The following RGS6 variants were observed in gnomAD, a reference collection of about 807,000 sequenced individuals.
The protein encoded by RGS6 is regulator of G protein signaling 6, also known as regulator of G-protein signaling 6.
A neutral mutation model predicts 78.5 loss-of-function variants in RGS6; 30 were observed. The ratio of observed to expected loss-of-function variants is 0.38; its 90% confidence interval spans 0.29 to 0.52. The LOEUF is 0.52. Ranked by LOEUF, RGS6 falls within the 20% of genes least tolerant of loss-of-function variation. The pLI, the probability that RGS6 is intolerant of heterozygous loss-of-function variation, is 0.85. For missense variants in RGS6, 495 were observed against 609.7 expected (o/e 0.81, Z 1.98); for synonymous variants, 206 against 206.0 (o/e 1.00, Z 0.00).
At chr14:72,418,570 T>C (rs1447909633) in intron 3 of RGS6, among the ~76,000 whole-genome samples, 1 of 152,096 alleles carries the variant, frequency 6.6e-6, no homozygotes, top group Non-Finnish European at 1.5e-5. Flanking sequence ...TCTGAAACAA[T>C]AGGACAGCCA....
intron 2 of RGS6, among the ~76,000 whole-genome samples, chr14:71,979,359 G>T (rs1355630343): frequency 6.8e-6 from 1 of 146,988 alleles, no homozygotes; most frequent in Non-Finnish European, 1.5e-5. Context: ...TGATGTTAGG[G>T]TGTCAATTTT....
At chr14:72,096,463 G>A (rs756909100) in intron 2 of RGS6, among the ~76,000 whole-genome samples, 1 of 152,276 alleles carries the variant, frequency 6.6e-6, no homozygotes, top group South Asian at 2.1e-4. Context: ...GGCTACAAAT[G>A]TCAATATCAT....
intron 2 of RGS6, among the ~76,000 whole-genome samples, chr14:72,188,442 C>T (rs909402198): frequency 1.3e-5 from 2 of 151,902 alleles, no homozygotes; most frequent in African/African-American, 4.8e-5. Context: ...ATGCATGGTG[C>T]CTTACAGTGT....
chr14:72,562,405 G>T lies in RGS6; in HGVS notation c.1423-12G>T, dbSNP rs898406386. 1.4e-5 allele frequency: 22 copies of T among 1,612,192 alleles called. No homozygotes were observed. The highest frequency in any genetic ancestry group is 1.9e-5 in the Non-Finnish European group (22 of 1,179,898). On this transcript the variant is annotated splice_polypyrimidine_tract_variant and intron_variant, in intron 17 of 17. Transcript: ENST00000553525. Reference sequence around the variant, plus strand: ...CGCCTGTGCGTGCCTCTCTGTCGCTGTCTCTCTGCAGGGAAAGTCGCTGGC... The same window carrying T: ...CGCCTGTGCGTGCCTCTCTGTCGCTTTCTCTCTGCAGGGAAAGTCGCTGGC...
the RGS6 span, among the ~76,000 whole-genome samples, chr14:72,576,827 T>A: frequency 1.3e-5 from 2 of 152,182 alleles, no homozygotes; most frequent in Non-Finnish European, 2.9e-5. Flanking sequence ...TCAGAGGAGA[T>A]CCAAAATATT....
intron 2 of RGS6, among the ~76,000 whole-genome samples, chr14:72,302,387 A>T (rs1037469361): frequency 6.6e-6 from 1 of 152,228 alleles, no homozygotes; most frequent in Non-Finnish European, 1.5e-5. Context: ...GAGCATCACT[A>T]TATAAATTCT....
At chr14:72,254,817 G>A (rs1371315725) in intron 2 of RGS6, among the ~76,000 whole-genome samples, 4 of 152,088 alleles carry the variant, frequency 2.6e-5, no homozygotes, top group African/African-American at 7.2e-5. Flanking sequence ...TGTGCCTCAG[G>A]GGCTCAGGCT....
chr14:72,464,080 C>T (rs749843904), intron 6 of RGS6, among the ~76,000 whole-genome samples: 1 of 152,138 alleles, frequency 6.6e-6, no homozygotes, highest in Admixed American at 6.5e-5. Context: ...ATAAACTACC[C>T]TGTTTTGGTA....
chr14:72,131,297 C>A (rs903682371), intron 2 of RGS6, among the ~76,000 whole-genome samples: 3 of 152,146 alleles, frequency 2.0e-5, no homozygotes, highest in Non-Finnish European at 4.4e-5. Context: ...CTGGGATTTC[C>A]TGCTGGAGTC....
intron 2 of RGS6, among the ~76,000 whole-genome samples, chr14:72,345,477 T>C (rs756671453): frequency 6.6e-6 from 1 of 152,220 alleles, no homozygotes; most frequent in Non-Finnish European, 1.5e-5. Flanking sequence ...AAATTCCACT[T>C]GTGCCATTGA....
the RGS6 span, among the ~76,000 whole-genome samples, chr14:71,871,840 A>T: frequency 6.6e-6 from 1 of 152,102 alleles, no homozygotes; most frequent in South Asian, 2.1e-4. Flanking sequence ...TTTCCTCTCC[A>T]GCTCATTCTG....
intron 2 of RGS6, among the ~76,000 whole-genome samples, chr14:72,144,993 G>A (rs1013916034): frequency 6.6e-6 from 1 of 152,108 alleles, no homozygotes; most frequent in Non-Finnish European, 1.5e-5. Context: ...GATTGGTCAG[G>A]TTGGAGATGG....
the RGS6 span, among the ~76,000 whole-genome samples, chr14:71,895,097 A>G: frequency 2.0e-5 from 3 of 151,902 alleles, no homozygotes; most frequent in African/African-American, 7.3e-5. Context: ...GCCAGGGAGG[A>G]GGCTTATGGG....
At chr14:71,878,142 G>A in the RGS6 span, among the ~76,000 whole-genome samples, 1 of 152,318 alleles carries the variant, frequency 6.6e-6, no homozygotes, top group African/African-American at 2.4e-5. Context: ...ACCCACTTGA[G>A]GAGGCAATCT....
chr14:72,020,142 C>T (rs993213603), intron 2 of RGS6, among the ~76,000 whole-genome samples: 4 of 152,190 alleles, frequency 2.6e-5, no homozygotes, highest in African/African-American at 9.7e-5. Flanking sequence ...CTTGTAATCC[C>T]AGTATATCTG....
intron 2 of RGS6, among the ~76,000 whole-genome samples, chr14:72,207,715 C>G (rs1294000113): frequency 2.0e-5 from 3 of 152,228 alleles, no homozygotes; most frequent in Non-Finnish European, 4.4e-5. Context: ...AGTTACTTCT[C>G]TGTTTCTCAG....
intron 2 of RGS6, among the ~76,000 whole-genome samples, chr14:72,222,190 A>T (rs2047031121): frequency 6.6e-6 from 1 of 151,912 alleles, no homozygotes; most frequent in African/African-American, 2.4e-5. Flanking sequence ...TAATGTAAGT[A>T]CTCCACCCCC....
At chr14:72,290,075 G>T (rs887811871) in intron 2 of RGS6, among the ~76,000 whole-genome samples, 1 of 152,170 alleles carries the variant, frequency 6.6e-6, no homozygotes, top group South Asian at 2.1e-4. Flanking sequence ...TTTTGGCATG[G>T]TGAATCATAA....
intron 17 of RGS6, among the ~76,000 whole-genome samples, chr14:72,549,591 G>A (rs1479150711): frequency 1.3e-5 from 2 of 152,218 alleles, no homozygotes; most frequent in African/African-American, 2.4e-5. Flanking sequence ...GCTGGGCGTG[G>A]TGGCTCACAT....
Sources: gnomAD v4.1 joint callset for allele counts (sites outside exome capture counted in the v4.1 genomes callset) on GRCh38, gnomAD v4.1.1 for gene constraint, MANE v1.5 for transcripts, NCBI Gene and HGNC (gene_info 2026-07-23, HGNC 2026-07-21) for gene names.